Variants in CAMTA1 observed in about 807,000 individuals in gnomAD.
CAMTA1 encodes the protein calmodulin binding transcription activator 1.
CAMTA1 carries 27 observed loss-of-function variants against 170.9 expected under a neutral mutation model. The ratio of observed to expected loss-of-function variants is 0.16; its 90% CI spans 0.12 to 0.22. The LOEUF (loss-of-function observed/expected upper bound fraction) is 0.22, where lower values mean the gene tolerates loss of function less well. CAMTA1 is among the 10% of genes least tolerant of loss of function. CAMTA1 has a pLI of 1.00. For missense variants in CAMTA1, 1,619 were observed against 2,217.2 expected (o/e 0.73, Z 5.42); for synonymous variants, 833 against 891.5 (o/e 0.93, Z 1.17).
At chr1:7,523,459 G>T (rs942456147) in intron 6 of CAMTA1, among the ~76,000 whole-genome samples, 3 of 152,170 alleles carry the variant, frequency 2.0e-5, no homozygotes, top group Non-Finnish European at 2.9e-5. Context: ...TCACTAGGTT[G>T]GGTCTTCCAA....
intron 5 of CAMTA1, among the ~76,000 whole-genome samples, chr1:7,343,380 G>T (rs2083983368): frequency 6.6e-6 from 1 of 152,154 alleles, no homozygotes; most frequent in African/African-American, 2.4e-5. Context: ...CCTACCAGGG[G>T]CATCTTGGCC....
At chr1:6,786,254 C>T (rs1276878696) in intron 1 of CAMTA1, among the ~76,000 whole-genome samples, 1 of 151,972 alleles carries the variant, frequency 6.6e-6, no homozygotes, top group Non-Finnish European at 1.5e-5. Context: ...CCTCCCCCTT[C>T]GCTTCCCGGG....
At chr1:7,261,881 G>A (rs1668228701) in intron 5 of CAMTA1, among the ~76,000 whole-genome samples, 2 of 152,320 alleles carry the variant, frequency 1.3e-5, no homozygotes, top group Middle Eastern at 6.8e-3. Flanking sequence ...ATCAGACAGA[G>A]GTTAAATACT....
intron 5 of CAMTA1, among the ~76,000 whole-genome samples, chr1:7,365,196 C>G (rs1484700105): frequency 6.7e-6 from 1 of 148,592 alleles, no homozygotes; most frequent in Non-Finnish European, 1.5e-5. Flanking sequence ...CAGCCTCTGT[C>G]TGGAGGCCTT....
chr1:7,467,966 T>A (rs1251290424), intron 6 of CAMTA1, 65 bp downstream of exon 6: 11 of 1,379,038 alleles, frequency 8.0e-6, no homozygotes, highest in Non-Finnish European at 1.1e-5. Flanking sequence ...TGGAGGGCAC[T>A]GAGGGCGCGG....
At chr1:7,310,668 T>TTTCC (rs1676459316) in intron 5 of CAMTA1, among the ~76,000 whole-genome samples, 1 of 33,710 alleles carries the variant, frequency 3.0e-5, no homozygotes, top group South Asian at 8.7e-4. Context: ...TCTTTCTTTC[T>TTTCC]TTCCTTTCTT....
chr1:7,113,600 T>C lies in CAMTA1; in HGVS notation c.302+22229T>C, dbSNP rs527922779. Among the ~76,000 whole-genome samples, 1 of 152,332 alleles carries C rather than the reference T, an allele frequency of 6.6e-6. No homozygotes were observed. The highest frequency in any genetic ancestry group is 2.1e-4 in the South Asian group (1 of 4,824). ...CACATCATAAGAGAGTTAAAGAGTT[T>C]GTGGCATTTTAAATGCTTTATAGAT... is the stretch of plus-strand genomic sequence containing the variant. On this transcript the variant is annotated intron_variant, in intron 4 of 22. Coordinates refer to ENST00000303635, the MANE Select transcript of CAMTA1 (RefSeq NM_015215.4). The surrounding 1 kb of genome is among the most constrained non-coding windows in gnomAD (Gnocchi z 4.5).
In CAMTA1 at chr1:7,639,908, G is replaced by A. The variant is rs535073145; in HGVS notation, c.511-492G>A. ...TCCTTTTCCCCTTGGGGAGAAGCGG[G>A]TGACCATGCCTGTGTTGGGGGCATC... On this transcript the variant is annotated intron_variant, in intron 6 of 22. Coordinates refer to ENST00000303635, the MANE Select transcript of CAMTA1 (RefSeq NM_015215.4). Among the ~76,000 whole-genome samples, 7 of 152,314 alleles carry A rather than the reference G, an allele frequency of 4.6e-5. 1 individual carries two copies. The South Asian group carries it at 1.5e-3, about 32-fold the overall frequency.
chr1:6,790,460 T>G (rs1260777784), intron 1 of CAMTA1, among the ~76,000 whole-genome samples: 1 of 151,932 alleles, frequency 6.6e-6, no homozygotes, highest in Non-Finnish European at 1.5e-5. Flanking sequence ...GCATAACTTT[T>G]AGGTTGTTTA....
At chr1:7,751,937 G>C (rs2150169253) in intron 20 of CAMTA1, among the ~76,000 whole-genome samples, 1 of 152,324 alleles carries the variant, frequency 6.6e-6, no homozygotes, top group Non-Finnish European at 1.5e-5. Flanking sequence ...TGACACAAAT[G>C]GGAAATGAGT....
chr1:7,335,943 A>T, intron 5 of CAMTA1, among the ~76,000 whole-genome samples: 1 of 152,146 alleles, frequency 6.6e-6, no homozygotes, highest in East Asian at 1.9e-4. Flanking sequence ...TTATTTATCA[A>T]ACTAATTAAA....
At chr1:7,337,121 A>T (rs543848689) in intron 5 of CAMTA1, among the ~76,000 whole-genome samples, 13 of 152,330 alleles carry the variant, frequency 8.5e-5, no homozygotes, top group African/African-American at 3.1e-4. Flanking sequence ...ACGGCAGATG[A>T]TTGAGCAGAA....
At chr1:7,398,193 C>A (rs2796486) in intron 5 of CAMTA1, among the ~76,000 whole-genome samples, 432 of 16,800 alleles carry the variant, frequency 0.026, 19 homozygotes, top group African/African-American at 0.069. Flanking sequence ...CTCTCTCTCT[C>A]TATATATATA....
intron 5 of CAMTA1, among the ~76,000 whole-genome samples, chr1:7,310,652 T>A (rs867503742): frequency 1.7e-5 from 1 of 58,978 alleles, no homozygotes; most frequent in Non-Finnish European, 3.0e-5. Flanking sequence ...TTCTTTTTTC[T>A]TTCTTTCTTT....
chr1:7,329,041 C>T (rs1288545099), intron 5 of CAMTA1, among the ~76,000 whole-genome samples: 1 of 152,008 alleles, frequency 6.6e-6, no homozygotes, highest in Admixed American at 6.5e-5. Flanking sequence ...AAAGCTGCAC[C>T]AGAGACAAAA....
At position 7,012,175 on chromosome 1, in the gene CAMTA1, C is replaced by T. The variant is rs111771899; in HGVS notation, c.235-79129C>T. On this transcript the variant is annotated intron_variant, in intron 3 of 22. Transcript: ENST00000303635. ...CCTCATGTGGGCCCATGATACTGCC[C>T]GGTCAGGTGCTGGTGGTCCCCGTCC... 2.6e-3 allele frequency among the ~76,000 whole-genome samples: 391 copies of T among 152,262 alleles called. 2 individuals are homozygous for T. Among genetic ancestry groups the T allele is most frequent in the Non-Finnish European group, 4.3e-3 (291 of 68,004 alleles).
At chr1:7,541,112 A>T (rs1575897852) in intron 6 of CAMTA1, among the ~76,000 whole-genome samples, 2 of 152,220 alleles carry the variant, frequency 1.3e-5, no homozygotes, top group Non-Finnish European at 2.9e-5. Context: ...TACATGGCCC[A>T]GATTTTATGC....
intron 3 of CAMTA1, among the ~76,000 whole-genome samples, chr1:6,892,534 A>G (rs1463831677): frequency 6.6e-6 from 1 of 151,642 alleles, no homozygotes; most frequent in South Asian, 2.1e-4. Context: ...AGAATGTCTT[A>G]TTGAAACCTT....
Position 7,744,927 on chromosome 1 carries a change from G to C in CAMTA1, c.4275G>C (p.Leu1425Phe), listed in dbSNP as rs1248599522. The change falls in exon 17 of 23, where the codon TTG (leucine) becomes TTC (phenylalanine). Residue 1425 changes from leucine (L) to phenylalanine (F), a missense_variant. Transcript: ENST00000303635. ...ENFVPMESSG[L>F]ERTDPATISS... Reference sequence around the variant, plus strand: ...TTGTGCCCATGGAGTCCTCAGGATTGGAAAGAACAGACCCTGCCACCATTA... The same window carrying C: ...TTGTGCCCATGGAGTCCTCAGGATTCGAAAGAACAGACCCTGCCACCATTA... The C allele has an allele frequency of 1.2e-6, 2 of 1,614,130 alleles. No individual in the cohort carries two copies. Among genetic ancestry groups the C allele is most frequent in the Non-Finnish European group, 1.7e-6 (2 of 1,180,020 alleles).
Sources: allele counts gnomAD v4.1 joint callset (sites outside exome capture counted in the v4.1 genomes callset), GRCh38; gene constraint gnomAD v4.1.1; non-coding constraint Gnocchi (gnomAD v3.1); transcripts MANE v1.5; gene names NCBI Gene and HGNC (gene_info 2026-07-23, HGNC 2026-07-21).